Variants in SARAF observed in about 807,000 individuals in gnomAD.
SARAF encodes the protein store-operated calcium entry-associated regulatory factor.
In SARAF, 23 loss-of-function variants were observed where a neutral mutation model predicts 39.7. The observed-to-expected ratio is 0.58, with a 90% confidence interval of 0.42 to 0.82. The LOEUF (loss-of-function observed/expected upper bound fraction) is 0.82, where lower values mean the gene tolerates loss of function less well. Among genes scored for constraint, SARAF ranks in the 40% least tolerant of loss-of-function variants. SARAF has a pLI of 0.00. For synonymous variants in SARAF, 175 were observed against 168.5 expected (o/e 1.04, Z -0.30); for missense variants, 384 against 418.5 (o/e 0.92, Z 0.72).
intron 5 of SARAF, among the ~76,000 whole-genome samples, chr8:30,064,561 A>ATATATATATATATTTTTTTTTTTTTTTT (rs1423689069): frequency 2.2e-5 from 1 of 46,234 alleles, no homozygotes. Context: ...ATATATATAT[A>ATATATATATATATTTTTTTTTTTTTTTT]TTTTTTTTTT....
At chr8:30,071,733 T>G (rs1428821857) in intron 2 of SARAF, among the ~76,000 whole-genome samples, 1 of 152,242 alleles carries the variant, frequency 6.6e-6, no homozygotes, top group African/African-American at 2.4e-5. Context: ...GACTGGCTTC[T>G]TTCACTTAGC....
intron 5 of SARAF, 119 bp from the exon 6 acceptor site, chr8:30,064,032 AGT>A: frequency 1.1e-6 from 1 of 887,180 alleles, no homozygotes; most frequent in Non-Finnish European, 1.7e-6. Context: ...GAAAGGAAAG[AGT>A]GTGCCACTAG....
chr8:30,065,402 T>C (rs144736407), intron 5 of SARAF, among the ~76,000 whole-genome samples: 22 of 152,320 alleles, frequency 1.4e-4, no homozygotes, highest in Non-Finnish European at 2.6e-4. Flanking sequence ...TATTTAAATA[T>C]ATTTTTCTAT....
At chr8:30,064,561 A>ATATATATATATATATT in intron 5 of SARAF, among the ~76,000 whole-genome samples, 1 of 46,232 alleles carries the variant, frequency 2.2e-5, no homozygotes, top group African/African-American at 1.1e-4. Context: ...ATATATATAT[A>ATATATATATATATATT]TTTTTTTTTT....
At chr8:30,077,789 A>T (rs1339683360) in intron 1 of SARAF, among the ~76,000 whole-genome samples, 4 of 147,612 alleles carry the variant, frequency 2.7e-5, no homozygotes, top group African/African-American at 1.0e-4. Flanking sequence ...CGATAGAGCA[A>T]GGCTCCATCT....
chr8:30,072,074 G>A (rs866512089), intron 2 of SARAF, among the ~76,000 whole-genome samples: 28 of 152,180 alleles, frequency 1.8e-4, no homozygotes, highest in African/African-American at 6.5e-4. Flanking sequence ...CCCAACAGCA[G>A]TGTATGAGGG....
At chr8:30,083,073 G>A, upstream of SARAF, 2 of 630,634 alleles carry the variant, frequency 3.2e-6, no homozygotes, top group Non-Finnish European at 5.2e-6. Context: ...CGGCCCGACT[G>A]CAGAGCTGCA....
intron 5 of SARAF, among the ~76,000 whole-genome samples, chr8:30,065,018 TTG>T (rs1239519111): frequency 9.2e-5 from 14 of 152,216 alleles, no homozygotes; most frequent in African/African-American, 3.4e-4. Flanking sequence ...ATATATTATT[TTG>T]TGTCTGGCTT....
chr8:30,080,599 T>G (rs999051001), intron 1 of SARAF, among the ~76,000 whole-genome samples: 2 of 152,246 alleles, frequency 1.3e-5, no homozygotes, highest in Non-Finnish European at 2.9e-5. Flanking sequence ...GACACTGTTT[T>G]GTTCACTGCT....
intron 1 of SARAF, among the ~76,000 whole-genome samples, chr8:30,077,206 A>C (rs899740758): frequency 5.9e-5 from 9 of 152,226 alleles, no homozygotes; most frequent in Non-Finnish European, 1.2e-4. Flanking sequence ...CTGTAATCCC[A>C]GCACTTTGGG....
intron 5 of SARAF, among the ~76,000 whole-genome samples, chr8:30,064,373 C>T (rs1801623893): frequency 6.6e-6 from 1 of 151,520 alleles, no homozygotes; most frequent in African/African-American, 2.4e-5. Context: ...ACAAATCTTC[C>T]TATCTAGAAA....
chr8:30,083,148 G>A, upstream of SARAF: 1 of 485,228 alleles, frequency 2.1e-6, no homozygotes, highest in South Asian at 2.8e-5. Context: ...CTCAGTGAGT[G>A]GCCGCCGTGG....
intron 5 of SARAF, among the ~76,000 whole-genome samples, chr8:30,064,561 A>ATATTTTTTTTTTTTTTTTTTT (rs1423689069): frequency 2.2e-5 from 1 of 46,236 alleles, no homozygotes; most frequent in Non-Finnish European, 3.4e-5. Context: ...ATATATATAT[A>ATATTTTTTTTTTTTTTTTTTT]TTTTTTTTTT....
At chr8:30,074,514 T>G (rs1160070776) in intron 1 of SARAF, among the ~76,000 whole-genome samples, 4 of 152,196 alleles carry the variant, frequency 2.6e-5, no homozygotes, top group Non-Finnish European at 5.9e-5. Context: ...TGAACTAGAA[T>G]TCATGTATCA....
At chr8:30,065,000 C>G (rs1219069035) in intron 5 of SARAF, among the ~76,000 whole-genome samples, 1 of 152,154 alleles carries the variant, frequency 6.6e-6, no homozygotes, top group Non-Finnish European at 1.5e-5. Context: ...CTGCTATCAT[C>G]ATAGTGTATA....
At chr8:30,081,701 A>C (rs148041373) in intron 1 of SARAF, among the ~76,000 whole-genome samples, 3 of 150,642 alleles carry the variant, frequency 2.0e-5, no homozygotes, top group Admixed American at 1.3e-4. Flanking sequence ...TGCCATCTTT[A>C]CTTCGCAAAG....
In SARAF at chr8:30,079,660, C is replaced by T. The variant is rs549010081; in HGVS notation, c.103+3187G>A. On this transcript the variant is annotated intron_variant, in intron 1 of 5. Coordinates refer to ENST00000256255, the MANE Select transcript of SARAF (RefSeq NM_016127.6). ...GACTTTGGCCAAGGCATTTAATTTA[C>T]CTGTGTAGAAGTTTCCTCACCTACA... Among the ~76,000 whole-genome samples, 12 of 152,256 alleles carry T rather than the reference C, an allele frequency of 7.9e-5. No individual in the cohort carries two copies. In the East Asian group the frequency reaches 1.2e-3, roughly 15 times the overall value.
rs11538822 is a variant in SARAF, at chr8:30,082,877, C to T, written c.73G>A (p.Ala25Thr). 2 of 1,556,882 alleles carry T rather than the reference C, an allele frequency of 1.3e-6. No individual in the cohort carries two copies. Among genetic ancestry groups the T allele is most frequent in the East Asian group, 4.9e-5 (2 of 40,888 alleles). The change falls in exon 1 of 6, where the codon GCG becomes ACG. Residue 25 changes from alanine (A) to threonine (T), a missense_variant. By Grantham distance (58) the Ala-to-Thr change is moderately conservative. Coordinates refer to ENST00000256255, the MANE Select transcript of SARAF (RefSeq NM_016127.6). Reference sequence around the variant, plus strand: ...TCGTTCCAGCCCAGGGCAGGGCCCGCGGTCAGCAGAAACAAATGCAAGCCG... The same window carrying T: ...TCGTTCCAGCCCAGGGCAGGGCCCGTGGTCAGCAGAAACAAATGCAAGCCG... ...LLGLHLFLLT[A>T]GPALGWNDPD...
chr8:30,065,205 T>C (rs550012786), intron 5 of SARAF, among the ~76,000 whole-genome samples: 1 of 152,300 alleles, frequency 6.6e-6, no homozygotes, highest in East Asian at 1.9e-4. Flanking sequence ...CTATGAACAG[T>C]CTTGTGCTTA....
Sources: allele counts gnomAD v4.1 joint callset (sites outside exome capture counted in the v4.1 genomes callset), GRCh38; gene constraint gnomAD v4.1.1; transcripts MANE v1.5; gene names NCBI Gene and HGNC (gene_info 2026-07-23, HGNC 2026-07-21).